CCSER1: variants seen among roughly 807,000 people sequenced by gnomAD.
CCSER1 encodes the protein coiled-coil serine rich protein 1, also known as serine-rich coiled-coil domain-containing protein 1.
CCSER1 carries 41 observed loss-of-function variants against 82.0 expected under a neutral mutation model. The ratio of observed to expected loss-of-function variants is 0.50; its 90% CI spans 0.39 to 0.65. CCSER1 has a LOEUF of 0.65. CCSER1 is among the 30% of genes least tolerant of loss of function. The probability of loss-of-function intolerance (pLI) is 0.00; values close to 1 mark genes in which losing one functional copy is unlikely to be tolerated. For missense variants in CCSER1, 1,119 were observed against 1,064.2 expected (o/e 1.05, Z -0.72); for synonymous variants, 414 against 383.9 (o/e 1.08, Z -0.92).
chr4:91,482,999 G>T (rs1475783082), intron 10 of CCSER1, among the ~76,000 whole-genome samples: 2 of 151,680 alleles, frequency 1.3e-5, no homozygotes, highest in Non-Finnish European at 2.9e-5. Flanking sequence ...ATGTAAATGA[G>T]GAGTTAATGG....
intron 9 of CCSER1, among the ~76,000 whole-genome samples, chr4:90,941,033 T>G (rs2150327001): frequency 6.6e-6 from 1 of 152,204 alleles, no homozygotes; most frequent in East Asian, 1.9e-4. Flanking sequence ...AATTTTCAAG[T>G]ACTCTTTATG....
At chr4:91,257,457 G>C (rs2149159812) in intron 10 of CCSER1, among the ~76,000 whole-genome samples, 1 of 132,726 alleles carries the variant, frequency 7.5e-6, no homozygotes, top group East Asian at 2.3e-4. Flanking sequence ...ATTCAGTAAA[G>C]TTGGAATACA....
At chr4:90,391,803 T>C (rs1751202145) in intron 3 of CCSER1, among the ~76,000 whole-genome samples, 1 of 151,758 alleles carries the variant, frequency 6.6e-6, no homozygotes, top group South Asian at 2.1e-4. Flanking sequence ...AGGTTAGAAA[T>C]AATCACTTTT....
intron 1 of CCSER1, among the ~76,000 whole-genome samples, chr4:90,181,802 C>T (rs1444958736): frequency 6.6e-6 from 1 of 152,290 alleles, no homozygotes; most frequent in Middle Eastern, 3.4e-3. Context: ...AGAGCAGACA[C>T]TCAGCTGGTG....
At chr4:90,268,465 G>A (rs1255677783) in intron 1 of CCSER1, among the ~76,000 whole-genome samples, 2 of 152,178 alleles carry the variant, frequency 1.3e-5, no homozygotes, top group East Asian at 3.9e-4. Context: ...TGCAATCACT[G>A]TTGTCATCAG....
intron 10 of CCSER1, among the ~76,000 whole-genome samples, chr4:91,145,941 G>T (rs375027345): frequency 1.3e-5 from 2 of 151,984 alleles, no homozygotes; most frequent in Non-Finnish European, 2.9e-5. Context: ...GGGGATGTTC[G>T]TCTGATATAA....
intron 1 of CCSER1, among the ~76,000 whole-genome samples, chr4:90,302,407 G>A (rs1310958661): frequency 6.6e-6 from 1 of 152,136 alleles, no homozygotes; most frequent in Non-Finnish European, 1.5e-5. Context: ...AAGAGGCAAT[G>A]TTATAATAGT....
rs143163753 is a variant in CCSER1, at chr4:90,691,578, A to G, written c.1933-32336A>G. Among the ~76,000 whole-genome samples the G allele has an allele frequency of 9.6e-4, 145 of 150,408 alleles. 1 individual carries two copies. The highest frequency in any genetic ancestry group is 1.4e-3 in the Admixed American group (21 of 14,932). ...CACATGTGTGTATATCACATGTATA[A>G]TGCATGTGAATATATCACATGTGTA... On this transcript the variant is annotated intron_variant, in intron 6 of 10. Coordinates refer to ENST00000509176, the MANE Select transcript of CCSER1 (RefSeq NM_001145065.2).
At chr4:91,093,449 A>T (rs980410079) in intron 10 of CCSER1, among the ~76,000 whole-genome samples, 7 of 152,228 alleles carry the variant, frequency 4.6e-5, no homozygotes, top group Admixed American at 3.9e-4. Context: ...GTACTTGGTT[A>T]ATCTAGCATT....
chr4:90,350,907 T>C (rs958386136), intron 3 of CCSER1, among the ~76,000 whole-genome samples: 1 of 152,276 alleles, frequency 6.6e-6, no homozygotes, highest in African/African-American at 2.4e-5. Context: ...AAAAGAATTA[T>C]ACAAATCTAA....
intron 1 of CCSER1, among the ~76,000 whole-genome samples, chr4:90,251,839 C>G (rs952091784): frequency 3.3e-5 from 5 of 151,594 alleles, no homozygotes; most frequent in Non-Finnish European, 7.4e-5. Flanking sequence ...TTGTAGTGAT[C>G]TTTTATTATT....
intron 10 of CCSER1, among the ~76,000 whole-genome samples, chr4:91,376,702 T>A (rs1162013866): frequency 6.6e-6 from 1 of 152,184 alleles, no homozygotes; most frequent in East Asian, 1.9e-4. Flanking sequence ...ATAATTGTAT[T>A]TGATGTTGTG....
chr4:90,671,242 T>G (rs978613159), intron 6 of CCSER1, among the ~76,000 whole-genome samples: 2 of 152,044 alleles, frequency 1.3e-5, no homozygotes, highest in Admixed American at 1.3e-4. Flanking sequence ...GCCACATTAA[T>G]TGACTCTTCC....
intron 10 of CCSER1, among the ~76,000 whole-genome samples, chr4:91,305,217 A>C (rs1356946959): frequency 1.3e-5 from 2 of 152,046 alleles, no homozygotes; most frequent in Non-Finnish European, 2.9e-5. Flanking sequence ...CTTGTAAAAA[A>C]GGCTATCACA....
At chr4:90,524,151 A>T (rs1307717597) in intron 5 of CCSER1, among the ~76,000 whole-genome samples, 1 of 152,204 alleles carries the variant, frequency 6.6e-6, no homozygotes, top group Non-Finnish European at 1.5e-5. Context: ...AACTGTTTTA[A>T]TCTTTTTGTC....
intron 6 of CCSER1, among the ~76,000 whole-genome samples, chr4:90,646,543 A>G (rs990072454): frequency 1.3e-5 from 2 of 152,180 alleles, no homozygotes; most frequent in African/African-American, 4.8e-5. Flanking sequence ...CAACCTTGCA[A>G]AAAAATACCA....
intron 7 of CCSER1, among the ~76,000 whole-genome samples, chr4:90,812,900 C>CA (rs1758536388): frequency 1.3e-5 from 2 of 152,256 alleles, no homozygotes; most frequent in South Asian, 4.1e-4. Flanking sequence ...AATCACCTCC[C>CA]ACCAGGTCTC....
intron 4 of CCSER1, among the ~76,000 whole-genome samples, chr4:90,409,523 C>T (rs1206733094): frequency 1.3e-5 from 2 of 152,096 alleles, no homozygotes; most frequent in African/African-American, 4.8e-5. Context: ...TAATATCCAG[C>T]CAAACTAAGC....
chr4:91,535,700 CAT>C (rs142816904), intron 10 of CCSER1, among the ~76,000 whole-genome samples: 10,858 of 151,918 alleles, frequency 0.071, 562 homozygotes, highest in South Asian at 0.16. Flanking sequence ...ACAGTGAAAA[CAT>C]GTGATAGTGC....
Sources: gnomAD v4.1 joint callset for allele counts (sites outside exome capture counted in the v4.1 genomes callset) on GRCh38, gnomAD v4.1.1 for gene constraint, MANE v1.5 for transcripts, NCBI Gene and HGNC (gene_info 2026-07-23, HGNC 2026-07-21) for gene names.